SPTY2D1: variants seen among roughly 807,000 people sequenced by gnomAD.
SPTY2D1 encodes the protein SPT2 chromatin protein domain containing 1, also known as protein SPT2 homolog.
In SPTY2D1, 21 loss-of-function variants were observed where a neutral mutation model predicts 64.0. The observed-to-expected ratio is 0.33, with a 90% CI of 0.23 to 0.47. The LOEUF (loss-of-function observed/expected upper bound fraction) is 0.47, where lower values mean the gene tolerates loss of function less well. Among genes scored for constraint, SPTY2D1 ranks in the 20% least tolerant of loss-of-function variants. The probability of loss-of-function intolerance (pLI) is 1.00; values close to 1 mark genes in which losing one functional copy is unlikely to be tolerated. For missense variants in SPTY2D1, 724 were observed against 837.2 expected (o/e 0.86, Z 1.67); for synonymous variants, 287 against 286.8 (o/e 1.00, Z -0.01).
At position 18,634,237 on chromosome 11, in the gene SPTY2D1, G is replaced by A. The variant is rs1377087819; in HGVS notation, c.21C>T (p.Leu7=). 1 of 1,614,192 alleles carries A rather than the reference G, an allele frequency of 6.2e-7. No individual in the cohort carries two copies. The highest frequency in any genetic ancestry group is 8.5e-7 in the Non-Finnish European group (1 of 1,180,042). ...CACCTTGTCCCTTGGAAGCTATCAT[G>A]AGAATTTCTCTGAAGTCCATGTTGG... The part of the protein sequence containing the change: MDFREI[L]MIASKGQGVN... The change falls in exon 1 of 6, where the codon CTC becomes CTT. Residue 7 remains leucine, a synonymous_variant. Transcript: ENST00000336349.
At chr11:18,611,587 A>G in intron 4 of SPTY2D1, 33 bp from the exon 5 acceptor site, 1 of 1,582,164 alleles carries the variant, frequency 6.3e-7, no homozygotes, top group South Asian at 1.1e-5. Flanking sequence ...ATAAAAAGAG[A>G]AAACTTCAAT....
In SPTY2D1 at chr11:18,609,782, A is replaced by T; in HGVS notation, c.*79T>A. The T allele has an allele frequency of 7.8e-7, 1 of 1,282,260 alleles. No individual in the cohort carries two copies. The highest frequency in any genetic ancestry group is 1.1e-6 in the Non-Finnish European group (1 of 896,216). The allele number at this position is 1,282,260 out of a possible 1,614,324, so 79.4% of individuals were successfully genotyped here. A position where few individuals can be genotyped will look rare whatever the true frequency, so the allele number is the denominator to read the frequency against. ...TACCCAAGTATAAATCTAAAATGAT[A>T]AGGGGGCTTCTTCAGTCTGAAGGCA... On this transcript the variant is annotated 3_prime_UTR_variant, in exon 6 of 6. Coordinates refer to ENST00000336349, the MANE Select transcript of SPTY2D1 (RefSeq NM_194285.3).
intron 1 of SPTY2D1, among the ~76,000 whole-genome samples, chr11:18,626,018 C>T (rs1439980411): frequency 6.6e-6 from 1 of 152,170 alleles, no homozygotes; most frequent in East Asian, 1.9e-4. Flanking sequence ...ACAGGTTTCA[C>T]CACGTTGGCC....
At chr11:18,630,986 G>GC (rs1854577917) in intron 1 of SPTY2D1, among the ~76,000 whole-genome samples, 1 of 151,976 alleles carries the variant, frequency 6.6e-6, no homozygotes. Flanking sequence ...TTACAGGTGT[G>GC]CCCCACCATG....
chr11:18,616,043 TTTGAGC>T lies in SPTY2D1; in HGVS notation c.225_230del (p.Leu76_Lys77del). 3 of 1,613,530 alleles carry T rather than the reference TTTGAGC, an allele frequency of 1.9e-6. No homozygotes were observed. Among genetic ancestry groups the T allele is most frequent in the Non-Finnish European group, 2.5e-6 (3 of 1,179,784 alleles). On this transcript the variant is annotated inframe_deletion, in exon 3 of 6. Coordinates refer to ENST00000336349, the MANE Select transcript of SPTY2D1 (RefSeq NM_194285.3). The stretch of plus-strand genomic sequence containing the variant: ...CCATAGCTCTTGCTTTCTTGTCATG[TTTGAGC>T]TCAATTCGCTTTTTCACTAGTTCCT...
chr11:18,622,387 C>A (rs560408377), intron 1 of SPTY2D1, among the ~76,000 whole-genome samples: 1 of 151,916 alleles, frequency 6.6e-6, no homozygotes, highest in African/African-American at 2.4e-5. Flanking sequence ...AAAAATTAGC[C>A]GGACATTGTG....
chr11:18,616,221 T>A (rs1301992793), intron 2 of SPTY2D1, 123 bp from the exon 3 acceptor site: 1 of 856,760 alleles, frequency 1.2e-6, no homozygotes, highest in Non-Finnish European at 1.8e-6. Context: ...GAGGAAGTCA[T>A]GTGAACAAGT....
Position 18,607,055 on chromosome 11 carries a change from C to A in SPTY2D1, c.*2806G>T. On this transcript the variant is annotated 3_prime_UTR_variant, in exon 6 of 6. Transcript: ENST00000336349. ...TTTTTATTTTTAGTAGAGACGGGGT[C>A]TCACACCATGTTGGCCAGGCTGGTC... 4.2e-6 allele frequency: 1 copy of A among 238,300 alleles called. No homozygotes were observed. The highest frequency in any genetic ancestry group is 8.1e-6 in the Non-Finnish European group (1 of 123,062). The allele number at this position is 238,300 out of a possible 1,614,324, so 14.8% of individuals were successfully genotyped here.
In SPTY2D1 at chr11:18,615,936, C is replaced by T; in HGVS notation, c.338G>A (p.Ser113Asn). The T allele has an allele frequency of 6.2e-7, 1 of 1,614,090 alleles. No individual in the cohort carries two copies. The highest frequency in any genetic ancestry group is 2.2e-5 in the East Asian group (1 of 44,886). The change falls in exon 3 of 6, where the codon AGC (serine) becomes AAC (asparagine). Residue 113 changes from serine (S) to asparagine (N), a missense_variant. Ser to Asn is a conservative substitution (Grantham distance 46). This residue lies in a region of SPTY2D1 where 179 missense variants were observed against 232.5 expected (regional missense o/e 0.77). Transcript: ENST00000336349. ...TCGGTCGGTTCCTTGGCTGGTATGG[C>T]TTTCTGTTGCCTGCCTCTTCTTTGA... ...EKSKKRQATESHTSQGTDREY... is the reference protein window; with the variant it reads ...EKSKKRQATENHTSQGTDREY...
At chr11:18,634,102 A>C in intron 1 of SPTY2D1, 96 bp downstream of exon 1, 3 of 1,381,664 alleles carry the variant, frequency 2.2e-6, no homozygotes, top group Non-Finnish European at 3.1e-6. Flanking sequence ...CCTCTCCCGG[A>C]GCCGATAGGC....
intron 1 of SPTY2D1, among the ~76,000 whole-genome samples, chr11:18,629,320 G>A (rs1006328030): frequency 5.5e-4 from 4 of 7,216 alleles, no homozygotes; most frequent in Non-Finnish European, 0.016. Context: ...GGCCAACATG[G>A]TGAAACCCCC....
At chr11:18,627,748 G>A (rs370320906) in intron 1 of SPTY2D1, among the ~76,000 whole-genome samples, 11 of 152,204 alleles carry the variant, frequency 7.2e-5, no homozygotes, top group South Asian at 4.1e-4. Flanking sequence ...GCATGGTGGC[G>A]GATGCCTATA....
chr11:18,624,211 A>G (rs1405790798), intron 1 of SPTY2D1, among the ~76,000 whole-genome samples: 4 of 20,496 alleles, frequency 2.0e-4, no homozygotes, highest in Admixed American at 7.4e-4. Context: ...AAAAGAGAGG[A>G]AAAAAAAAAA....
intron 1 of SPTY2D1, among the ~76,000 whole-genome samples, chr11:18,620,902 AT>A (rs1352036969): frequency 1.4e-5 from 2 of 147,894 alleles, no homozygotes; most frequent in African/African-American, 5.0e-5. Context: ...AAAAAAAAAA[AT>A]ACTATTAAAA....
chr11:18,633,196 C>CA (rs796347522), intron 1 of SPTY2D1, among the ~76,000 whole-genome samples: 22 of 150,928 alleles, frequency 1.5e-4, no homozygotes, highest in African/African-American at 2.2e-4. Flanking sequence ...CCTCAGAAGA[C>CA]AAAAAAAAGC....
In SPTY2D1 at chr11:18,612,343, A is replaced by T. The variant is rs767908433; in HGVS notation, c.1857T>A (p.Ile619=). 6.2e-7 allele frequency: 1 copy of T among 1,606,054 alleles called. No homozygotes were observed. Among genetic ancestry groups the T allele is most frequent in the Non-Finnish European group, 8.5e-7 (1 of 1,176,762 alleles). ...GEPQEEISKH[I]REIFGYDRKK... ...TTCGGTCATAACCAAAGATTTCTCT[A>T]ATGTGCTTGGATATTTCTTCCTGAG... The change falls in exon 4 of 6, where the codon ATT becomes ATA. Residue 619 remains isoleucine, a synonymous_variant. Coordinates refer to ENST00000336349, the MANE Select transcript of SPTY2D1 (RefSeq NM_194285.3). The surrounding 1 kb of genome is among the most constrained non-coding windows in gnomAD (Gnocchi z 4.6).
At chr11:18,610,182 T>C in intron 5 of SPTY2D1, 1 of 428,288 alleles carries the variant, frequency 2.3e-6, no homozygotes, top group Non-Finnish European at 4.1e-6. Flanking sequence ...ACCTTACTAT[T>C]TCCATTAAAA....
At chr11:18,610,046 GGATTGTGCT>G in intron 5 of SPTY2D1, 92 bp from the exon 6 acceptor site, 1 of 1,141,094 alleles carries the variant, frequency 8.8e-7, no homozygotes, top group Non-Finnish European at 1.3e-6. Context: ...GAGCTCACAT[GGATTGTGCT>G]GATGCTCTCA....
intron 1 of SPTY2D1, among the ~76,000 whole-genome samples, chr11:18,631,603 A>AAC (rs1491419595): frequency 7.6e-4 from 21 of 27,544 alleles, no homozygotes; most frequent in East Asian, 1.8e-3. Flanking sequence ...AATAGATAAC[A>AAC]AAAAAAAAAA....
Sources: gnomAD v4.1 joint callset for allele counts (sites outside exome capture counted in the v4.1 genomes callset) on GRCh38, gnomAD v4.1.1 for gene constraint, gnomAD v4.1.1 regional missense constraint, Gnocchi (gnomAD v3.1) non-coding constraint, MANE v1.5 for transcripts, NCBI Gene and HGNC (gene_info 2026-07-23, HGNC 2026-07-21) for gene names.